Variants in ESCO1 observed in about 807,000 individuals in gnomAD.
ESCO1 encodes the protein N-acetyltransferase ESCO1.
A neutral mutation model predicts 83.5 loss-of-function variants in ESCO1; 33 were observed. The observed-to-expected ratio is 0.40, with a 90% CI of 0.30 to 0.53. The LOEUF (loss-of-function observed/expected upper bound fraction) is 0.53. ESCO1 is among the 20% of genes least tolerant of loss of function. The pLI, the probability that ESCO1 is intolerant of heterozygous loss-of-function variation, is 0.63. For synonymous variants in ESCO1, 332 were observed against 324.3 expected, an observed-to-expected ratio of 1.02 and a Z score of -0.25; for missense variants, 855 against 968.0, an observed-to-expected ratio of 0.88 and a Z score of 1.55.
intron 1 of ESCO1, among the ~76,000 whole-genome samples, chr18:21,590,250 C>T (rs1365535294): frequency 3.4e-4 from 51 of 150,098 alleles, no homozygotes; most frequent in Non-Finnish European, 2.5e-4. Context: ...GAGACTGCCT[C>T]TCACTCTGTC....
At position 21,579,788 on chromosome 18, in the gene ESCO1, G is replaced by GCGCA. The variant is rs1380764432; in HGVS notation, c.-693-4012_-693-4011insTGCG. Among the ~76,000 whole-genome samples, 44 of 39,900 alleles carry GCGCA rather than the reference G, an allele frequency of 1.1e-3. 1 individual carries two copies. Among genetic ancestry groups the GCGCA allele is most frequent in the African/African-American group, 2.4e-3 (42 of 17,342 alleles). 26.2% of individuals were successfully genotyped at this position (39,900 alleles called of 152,430 possible). ...GAGATTCTGACACACACACACACGCGCGCGCGCACACACACACACACACAC... is the reference window on the plus strand; with the variant it reads ...GAGATTCTGACACACACACACACGCGCGCACGCGCGCACACACACACACACACAC... On this transcript the variant is annotated intron_variant, in intron 2 of 11. Coordinates refer to ENST00000269214, the MANE Select transcript of ESCO1 (RefSeq NM_052911.3).
chr18:21,588,455 A>G (rs558552170), intron 1 of ESCO1, among the ~76,000 whole-genome samples: 2 of 152,036 alleles, frequency 1.3e-5, no homozygotes, highest in African/African-American at 4.8e-5. Flanking sequence ...AAAAAAAAAA[A>G]GAAAAAGAAA....
chr18:21,543,607 G>A lies in ESCO1; in HGVS notation c.1954-3598C>T, dbSNP rs2037934491. On this transcript the variant is annotated intron_variant, in intron 8 of 11. Coordinates refer to ENST00000269214, the MANE Select transcript of ESCO1 (RefSeq NM_052911.3). ...AAAATTCAAACCAAACACTTAAGAT[G>A]TGTAGATTTAATTGTATAAATAATA... Among the ~76,000 whole-genome samples the A allele has an allele frequency of 2.0e-5, 3 of 152,194 alleles. No homozygotes were observed. The South Asian group carries it at 6.2e-4, about 31-fold the overall frequency.
At chr18:21,539,594 G>A (rs1047208519) in intron 9 of ESCO1, among the ~76,000 whole-genome samples, 1 of 152,184 alleles carries the variant, frequency 6.6e-6, no homozygotes, top group African/African-American at 2.4e-5. Context: ...GTTCAAGCCT[G>A]TAATCCCAGC....
chr18:21,555,081 G>A (rs1229960970), intron 8 of ESCO1, among the ~76,000 whole-genome samples: 11 of 152,118 alleles, frequency 7.2e-5, no homozygotes, highest in Non-Finnish European at 1.3e-4. Context: ...GTGTGACAGA[G>A]CAAGACTTCG....
Position 21,532,537 on chromosome 18 carries a change from G to T in ESCO1, c.2311C>A (p.Arg771=). The part of the protein sequence containing the change: ...LPEPAICGIS[R]IWVFSMMRRK... ...CGCATCATGCTGAATACCCATATTC[G>T]ACTGATCCCGCAGATTGCAGGCTCT... The change falls in exon 11 of 12, where the codon CGA becomes AGA. Residue 771 remains arginine (R), a synonymous_variant. Coordinates refer to ENST00000269214, the MANE Select transcript of ESCO1 (RefSeq NM_052911.3). 6.2e-7 allele frequency: 1 copy of T among 1,614,086 alleles called. No homozygotes were observed. The highest frequency in any genetic ancestry group is 8.5e-7 in the Non-Finnish European group (1 of 1,180,014).
intron 2 of ESCO1, among the ~76,000 whole-genome samples, chr18:21,577,354 T>C (rs2038432277): frequency 3.4e-5 from 2 of 59,374 alleles, no homozygotes; most frequent in Non-Finnish European, 6.6e-5. Flanking sequence ...TGAGACTCCA[T>C]CTTTTTTAAA....
chr18:21,565,946 TAAAG>T (rs929399078), intron 6 of ESCO1, among the ~76,000 whole-genome samples, 196 bp downstream of exon 6: 1 of 151,272 alleles, frequency 6.6e-6, no homozygotes, highest in Non-Finnish European at 1.5e-5. Flanking sequence ...AATAAATAAA[TAAAG>T]AAATAAAGAA....
chr18:21,561,993 C>T (rs2038192722), intron 7 of ESCO1, among the ~76,000 whole-genome samples: 1 of 152,086 alleles, frequency 6.6e-6, no homozygotes, highest in Non-Finnish European at 1.5e-5. Flanking sequence ...ATTCTCCTGC[C>T]TCAGCCTCCT....
At chr18:21,546,464 C>A (rs887179532) in intron 8 of ESCO1, among the ~76,000 whole-genome samples, 1 of 152,122 alleles carries the variant, frequency 6.6e-6, no homozygotes, top group Non-Finnish European at 1.5e-5. Flanking sequence ...AAATGTTGAC[C>A]ATAGGGCCTA....
In ESCO1 at chr18:21,536,078, T is replaced by A; in HGVS notation, c.2151A>T (p.Lys717Asn). ...GTTCCGCAATTAGGCAGCCAACTAC[T>A]TTTTTGTCATTGGAAATGAAGAGAA... ...KTLLFISNDKKVVGCLIAEHI... is the reference protein window; with the variant it reads ...KTLLFISNDKNVVGCLIAEHI... The change falls in exon 10 of 12, where the codon AAA becomes AAT. Residue 717 changes from lysine to asparagine, a missense_variant. By Grantham distance (94) the Lys-to-Asn change is moderately conservative (BLOSUM62 0). This residue lies in a region of ESCO1 where 129 missense variants were observed against 268.5 expected (regional missense o/e 0.48). Transcript: ENST00000269214. The A allele has an allele frequency of 2.5e-6, 4 of 1,614,058 alleles. No individual in the cohort carries two copies. The highest frequency in any genetic ancestry group is 3.4e-6 in the Non-Finnish European group (4 of 1,179,954).
At chr18:21,585,096 G>A (rs1359110187) in intron 1 of ESCO1, among the ~76,000 whole-genome samples, 2 of 145,294 alleles carry the variant, frequency 1.4e-5, no homozygotes, top group Non-Finnish European at 3.0e-5. Context: ...AGCCGAGATC[G>A]AGCCACTGCA....
intron 1 of ESCO1, among the ~76,000 whole-genome samples, chr18:21,587,796 G>C (rs139779654): frequency 6.6e-6 from 1 of 152,092 alleles, no homozygotes; most frequent in African/African-American, 2.4e-5. Flanking sequence ...AGCCAGGTGT[G>C]GTGGCACACA....
At chr18:21,531,169 C>T (rs1196904804) in intron 11 of ESCO1, among the ~76,000 whole-genome samples, 2 of 152,174 alleles carry the variant, frequency 1.3e-5, no homozygotes, top group African/African-American at 4.8e-5. Flanking sequence ...TTGCCAGGCA[C>T]AGTGTCTCAC....
At chr18:21,549,838 A>T (rs1426571701) in intron 8 of ESCO1, among the ~76,000 whole-genome samples, 2 of 151,458 alleles carry the variant, frequency 1.3e-5, no homozygotes, top group African/African-American at 2.4e-5. Flanking sequence ...GTGGTGGCAC[A>T]TGCCTGTAAT....
Position 21,584,135 on chromosome 18 carries a change from T to G in ESCO1, c.-694+175A>C, listed in dbSNP as rs540432088. Reference sequence around the variant, plus strand: ...GAACTACTAGACCAAGTACCAGGAGTAGGAGAAAAGCTTACTTTTCACTAT... The same window carrying G: ...GAACTACTAGACCAAGTACCAGGAGGAGGAGAAAAGCTTACTTTTCACTAT... On this transcript the variant is annotated intron_variant, in intron 2 of 11. Transcript: ENST00000269214. Among the ~76,000 whole-genome samples, 6 of 152,148 alleles carry G rather than the reference T, an allele frequency of 3.9e-5. No homozygotes were observed. The East Asian group carries it at 7.8e-4, about 20-fold the overall frequency.
At chr18:21,592,360 G>A (rs1395774447) in intron 1 of ESCO1, among the ~76,000 whole-genome samples, 3 of 107,944 alleles carry the variant, frequency 2.8e-5, no homozygotes, top group Non-Finnish European at 3.9e-5. Flanking sequence ...CGGACGAGGC[G>A]GCTGGCCGGG....
At chr18:21,542,332 G>A (rs1319470956) in intron 8 of ESCO1, among the ~76,000 whole-genome samples, 3 of 152,146 alleles carry the variant, frequency 2.0e-5, no homozygotes, top group South Asian at 2.1e-4. Flanking sequence ...GACTACAGGC[G>A]TGCACCACCA....
intron 8 of ESCO1, among the ~76,000 whole-genome samples, chr18:21,558,399 G>T (rs2038139683): frequency 6.6e-6 from 1 of 151,888 alleles, no homozygotes; most frequent in South Asian, 2.1e-4. Context: ...TTTACCCAAA[G>T]AAAAAGGTAT....
Sources: allele counts gnomAD v4.1 joint callset (sites outside exome capture counted in the v4.1 genomes callset), GRCh38; gene constraint gnomAD v4.1.1; regional missense constraint gnomAD v4.1.1; transcripts MANE v1.5; gene names NCBI Gene and HGNC (gene_info 2026-07-23, HGNC 2026-07-21).